The following EXOC4 variants were observed in gnomAD, a reference collection of about 807,000 sequenced individuals.
EXOC4 encodes the protein exocyst complex component 4, also known as SEC8-like 1.
EXOC4 carries 71 observed loss-of-function variants against 107.2 expected under a neutral mutation model. The ratio of observed to expected loss-of-function variants is 0.66; its 90% CI spans 0.55 to 0.81. EXOC4 has a LOEUF of 0.81. EXOC4 is among the 30% of genes least tolerant of loss of function. EXOC4 has a pLI of 0.00. For missense variants in EXOC4, 1,108 were observed against 1,189.6 expected, an observed-to-expected ratio of 0.93 and a Z score of 1.01; for synonymous variants, 456 against 441.2, an observed-to-expected ratio of 1.03 and a Z score of -0.42.
At position 134,035,070 on chromosome 7, in the gene EXOC4, G is replaced by A. The variant is rs1795357918; in HGVS notation, c.2687+27235G>A. On this transcript the variant is annotated intron_variant, in intron 17 of 17. Coordinates refer to ENST00000253861, the MANE Select transcript of EXOC4 (RefSeq NM_021807.4). ...ACTTTTTTTTTTTTTTTTTGAGACAGAGTCTCACTCTGTTGGCCAGGCTGG... is the reference window on the plus strand; with the variant it reads ...ACTTTTTTTTTTTTTTTTTGAGACAAAGTCTCACTCTGTTGGCCAGGCTGG... Among the ~76,000 whole-genome samples the A allele has an allele frequency of 2.2e-5, 3 of 137,322 alleles. No homozygotes were observed. In the South Asian group the frequency reaches 6.9e-4, roughly 32 times the overall value. The allele number at this position is 137,322 out of a possible 152,430, so 90.1% of individuals were successfully genotyped here. A position where few individuals can be genotyped will look rare whatever the true frequency, so the allele number is the denominator to read the frequency against.
At position 133,823,825 on chromosome 7, in the gene EXOC4, CATATATATATATATATATTATATATATAT is replaced by C. The variant is rs1190463272; in HGVS notation, c.1734+6321_1734+6349del. Reference sequence around the variant, plus strand: ...AGCAAGACTGTCTCAAAAATACATACATATATATATATATATATTATATATATATATATATATATATATATATTATATAT... The same window carrying C: ...AGCAAGACTGTCTCAAAAATACATACATATATATATATATATATTATATAT... On this transcript the variant is annotated intron_variant, in intron 11 of 17. Transcript: ENST00000253861. 1.2e-3 allele frequency among the ~76,000 whole-genome samples: 56 copies of C among 46,910 alleles called. 2 individuals carry two copies. The highest frequency in any genetic ancestry group is 6.3e-3 in the East Asian group (11 of 1,744). The allele number at this position is 46,910 out of a possible 152,430, so 30.8% of individuals were successfully genotyped here.
intron 10 of EXOC4, among the ~76,000 whole-genome samples, chr7:133,794,810 A>G (rs1796778595): frequency 6.6e-6 from 1 of 150,990 alleles, no homozygotes; most frequent in African/African-American, 2.4e-5. Flanking sequence ...TTTTAATTAT[A>G]CTTTAAGTTT....
chr7:133,506,906 A>G (rs995204996), intron 9 of EXOC4, among the ~76,000 whole-genome samples: 4 of 151,914 alleles, frequency 2.6e-5, no homozygotes, highest in African/African-American at 7.2e-5. Flanking sequence ...CCTCTTTCCT[A>G]TTTTTATTGG....
chr7:134,051,724 G>A (rs192358816), intron 17 of EXOC4, among the ~76,000 whole-genome samples: 35 of 149,840 alleles, frequency 2.3e-4, no homozygotes, highest in Admixed American at 1.9e-3. Context: ...AGAGGCTCAC[G>A]CCTGTAATCC....
intron 10 of EXOC4, among the ~76,000 whole-genome samples, chr7:133,785,485 CAAG>C (rs1306241632): frequency 2.6e-5 from 4 of 152,130 alleles, no homozygotes; most frequent in Admixed American, 6.5e-5. Flanking sequence ...AGTGAAAAGA[CAAG>C]GAGGAAGTGA....
intron 14 of EXOC4, among the ~76,000 whole-genome samples, chr7:133,990,309 A>G (rs889437768): frequency 2.0e-4 from 25 of 124,694 alleles, no homozygotes; most frequent in Non-Finnish European, 1.6e-4. Flanking sequence ...TCTAGTAATC[A>G]CCATTCAGCC....
At position 133,997,642 on chromosome 7, in the gene EXOC4, C is replaced by G. The variant is rs376324176; in HGVS notation, c.2348+9C>G. On this transcript the variant is annotated intron_variant, in intron 15 of 17. Coordinates refer to ENST00000253861, the MANE Select transcript of EXOC4 (RefSeq NM_021807.4). ...TTACATCTGGAAGTGAGGTATGATA[C>G]AGCCAAGCCCAGGACCTTGCAATTT... is the stretch of plus-strand genomic sequence containing the variant. 1.2e-6 allele frequency: 2 copies of G among 1,611,528 alleles called. No individual in the cohort carries two copies. Among genetic ancestry groups the G allele is most frequent in the African/African-American group, 2.7e-5 (2 of 74,840 alleles).
chr7:133,965,045 C>T (rs1801030905), intron 14 of EXOC4, among the ~76,000 whole-genome samples: 1 of 152,180 alleles, frequency 6.6e-6, no homozygotes, highest in African/African-American at 2.4e-5. Flanking sequence ...GATGGTATCT[C>T]ATTGTGATTT....
chr7:133,839,226 T>A (rs1797977635), intron 11 of EXOC4, among the ~76,000 whole-genome samples: 1 of 152,238 alleles, frequency 6.6e-6, no homozygotes, highest in South Asian at 2.1e-4. Flanking sequence ...ACTTGTATAT[T>A]GCTGTGTGCC....
At chr7:133,558,929 T>C (rs1367195632) in intron 9 of EXOC4, among the ~76,000 whole-genome samples, 1 of 152,178 alleles carries the variant, frequency 6.6e-6, no homozygotes, top group East Asian at 1.9e-4. Flanking sequence ...TTTTAAGACA[T>C]AGGAGGAGAA....
chr7:133,755,272 ATT>A lies in EXOC4; in HGVS notation c.1515-62052_1515-62051del, dbSNP rs1795885329. Among the ~76,000 whole-genome samples, 3 of 103,116 alleles carry A rather than the reference ATT, an allele frequency of 2.9e-5. No homozygotes were observed. The South Asian group carries it at 8.1e-4, about 28-fold the overall frequency. The allele number at this position is 103,116 out of a possible 152,430, so 67.6% of individuals were successfully genotyped here. A position where few individuals can be genotyped will look rare whatever the true frequency, so the allele number is the denominator to read the frequency against. On this transcript the variant is annotated intron_variant, in intron 10 of 17. Transcript: ENST00000253861. ...TATATATTATATATATATTATATAT[ATT>A]ATATATATTATATACATATTATATA...
intron 9 of EXOC4, among the ~76,000 whole-genome samples, chr7:133,516,884 T>C (rs1254664279): frequency 6.6e-6 from 1 of 151,550 alleles, no homozygotes; most frequent in East Asian, 1.9e-4. Context: ...ATGTGTGAAC[T>C]TGTCCATTTG....
chr7:134,070,150 A>T (rs562137379), downstream of EXOC4, among the ~76,000 whole-genome samples: 8 of 152,342 alleles, frequency 5.3e-5, no homozygotes, highest in African/African-American at 1.9e-4. Context: ...GAGGGAGGGT[A>T]ATGAGGTACC....
intron 11 of EXOC4, among the ~76,000 whole-genome samples, chr7:133,892,791 T>C (rs1233441632): frequency 2.1e-5 from 3 of 143,776 alleles, no homozygotes; most frequent in Admixed American, 6.8e-5. Context: ...GTCTGAGAGA[T>C]AGTTTGTTAT....
At chr7:133,804,666 A>C (rs17167280) in intron 10 of EXOC4, among the ~76,000 whole-genome samples, 18,231 of 152,204 alleles carry the variant, frequency 0.12, 1,192 homozygotes, top group Middle Eastern at 0.15. Flanking sequence ...TGACATATGA[A>C]ATACTTCCAG....
intron 7 of EXOC4, among the ~76,000 whole-genome samples, chr7:133,410,452 C>T (rs183619435): frequency 4.5e-4 from 69 of 152,302 alleles, no homozygotes; most frequent in Admixed American, 8.5e-4. Flanking sequence ...GGGCATCTCT[C>T]TGCTGCCTTA....
At chr7:133,627,482 C>A (rs12707107) in intron 9 of EXOC4, among the ~76,000 whole-genome samples, 2 of 151,874 alleles carry the variant, frequency 1.3e-5, no homozygotes, top group Non-Finnish European at 2.9e-5. Flanking sequence ...TCGATTATTA[C>A]ATTATTTTTA....
chr7:134,042,589 G>T lies in EXOC4; in HGVS notation c.2688-21702G>T, dbSNP rs553461117. On this transcript the variant is annotated intron_variant, in intron 17 of 17. Coordinates refer to ENST00000253861, the MANE Select transcript of EXOC4 (RefSeq NM_021807.4). Reference sequence around the variant, plus strand: ...AGGAAGCCAGGGAACCGGATAAATTGTCAAGAGCCTGTGTGGTGTAATAGA... The same window carrying T: ...AGGAAGCCAGGGAACCGGATAAATTTTCAAGAGCCTGTGTGGTGTAATAGA... 2.6e-5 allele frequency among the ~76,000 whole-genome samples: 4 copies of T among 152,304 alleles called. 1 individual carries two copies. The highest frequency in any genetic ancestry group is 4.1e-4 in the South Asian group (2 of 4,820).
At chr7:133,309,085 G>T (rs1356150593) in intron 4 of EXOC4, among the ~76,000 whole-genome samples, 1 of 152,108 alleles carries the variant, frequency 6.6e-6, no homozygotes, top group Non-Finnish European at 1.5e-5. Context: ...GTGCCATCGA[G>T]CCGTCCTAGA....
Sources: gnomAD v4.1 joint callset for allele counts (sites outside exome capture counted in the v4.1 genomes callset) on GRCh38, gnomAD v4.1.1 for gene constraint, MANE v1.5 for transcripts, NCBI Gene and HGNC (gene_info 2026-07-23, HGNC 2026-07-21) for gene names.